Variants in RNF111 observed in about 807,000 individuals in gnomAD.
The protein encoded by RNF111 is E3 ubiquitin-protein ligase Arkadia.
A neutral mutation model predicts 95.1 loss-of-function variants in RNF111; 17 were observed. The observed-to-expected ratio is 0.18, with a 90% CI of 0.12 to 0.27. The LOEUF (loss-of-function observed/expected upper bound fraction) is 0.27, where lower values mean the gene tolerates loss of function less well. RNF111 is among the 10% of genes least tolerant of loss of function. The probability of loss-of-function intolerance (pLI) is 1.00; values close to 1 mark genes in which losing one functional copy is unlikely to be tolerated. For missense variants in RNF111, 1,189 were observed against 1,210.4 expected, an observed-to-expected ratio of 0.98 and a Z score of 0.26; for synonymous variants, 440 against 414.8, an observed-to-expected ratio of 1.06 and a Z score of -0.74.
chr15:59,048,241 T>G (rs562720849), intron 2 of RNF111, among the ~76,000 whole-genome samples: 1 of 152,238 alleles, frequency 6.6e-6, no homozygotes, highest in South Asian at 2.1e-4. Context: ...TAAAGTATGT[T>G]ATATCCATAT....
chr15:59,087,105 A>G (rs1249644353), intron 10 of RNF111, among the ~76,000 whole-genome samples: 2 of 152,216 alleles, frequency 1.3e-5, no homozygotes, highest in East Asian at 1.9e-4. Context: ...TGAATGTCCA[A>G]TAGGAAGTTA....
intron 1 of RNF111, among the ~76,000 whole-genome samples, chr15:59,025,278 C>G (rs533391314): frequency 1.3e-5 from 2 of 152,286 alleles, no homozygotes; most frequent in East Asian, 3.9e-4. Flanking sequence ...TCAAGGGTCC[C>G]ACTCTTCTTT....
chr15:59,009,682 C>T (rs1434915444), intron 1 of RNF111, among the ~76,000 whole-genome samples: 1 of 152,030 alleles, frequency 6.6e-6, no homozygotes, highest in Non-Finnish European at 1.5e-5. Flanking sequence ...TGGCCGGGCA[C>T]AGTGGCTCAT....
intron 6 of RNF111, among the ~76,000 whole-genome samples, chr15:59,070,108 T>G (rs1223690760): frequency 7.5e-5 from 11 of 146,110 alleles, no homozygotes; most frequent in African/African-American, 2.8e-4. Flanking sequence ...CTCCTGGGCT[T>G]AAGTAATCCT....
chr15:58,988,728 G>T (rs2038679633), intron 1 of RNF111, among the ~76,000 whole-genome samples: 1 of 152,118 alleles, frequency 6.6e-6, no homozygotes, highest in Non-Finnish European at 1.5e-5. Flanking sequence ...CCTAAGTTTT[G>T]ATTATTCAAA....
intron 1 of RNF111, among the ~76,000 whole-genome samples, chr15:59,016,048 G>A (rs1168882710): frequency 6.6e-6 from 1 of 151,646 alleles, no homozygotes; most frequent in East Asian, 1.9e-4. Context: ...ACAGGGTTTT[G>A]CCATGTTTTG....
chr15:59,021,236 C>T (rs1030242561), intron 1 of RNF111, among the ~76,000 whole-genome samples: 4 of 152,072 alleles, frequency 2.6e-5, no homozygotes, highest in Non-Finnish European at 4.4e-5. Context: ...CTGCAAACTC[C>T]GCCTCGTGAG....
chr15:59,072,896 A>G (rs1596276718), intron 6 of RNF111, among the ~76,000 whole-genome samples: 1 of 151,814 alleles, frequency 6.6e-6, no homozygotes, highest in South Asian at 2.1e-4. Context: ...AAAAAAAACA[A>G]AACACTTCCA....
At chr15:59,091,388 A>C (rs1260564839) in intron 12 of RNF111, among the ~76,000 whole-genome samples, 1 of 152,198 alleles carries the variant, frequency 6.6e-6, no homozygotes, top group African/African-American at 2.4e-5. Context: ...ATATTCTTCT[A>C]GATATTTTTT....
At chr15:59,094,016 G>A (rs981281879) in intron 13 of RNF111, among the ~76,000 whole-genome samples, 25 of 152,150 alleles carry the variant, frequency 1.6e-4, no homozygotes, top group Admixed American at 1.4e-3. Context: ...AAATGGACAC[G>A]AGTCAGTAAC....
chr15:59,032,874 T>C (rs2040984155), intron 2 of RNF111, among the ~76,000 whole-genome samples: 1 of 152,220 alleles, frequency 6.6e-6, no homozygotes, highest in Admixed American at 6.5e-5. Flanking sequence ...TGTGTGCTCT[T>C]GCTCATGCGT....
intron 1 of RNF111, among the ~76,000 whole-genome samples, chr15:59,002,466 C>A (rs1377304385): frequency 1.3e-5 from 2 of 151,532 alleles, no homozygotes; most frequent in East Asian, 3.9e-4. Flanking sequence ...ACGGGAAGTA[C>A]GGTTGAGTAA....
intron 6 of RNF111, among the ~76,000 whole-genome samples, chr15:59,069,944 A>G (rs915357475): frequency 6.9e-6 from 1 of 144,420 alleles, no homozygotes; most frequent in Non-Finnish European, 1.5e-5. Context: ...GATAGCCCTC[A>G]CTGCTTGCTT....
chr15:59,092,656 T>G lies in RNF111; in HGVS notation c.2843+16T>G, dbSNP rs372957769. The stretch of plus-strand genomic sequence containing the variant: ...AAGATGTGAGGTAACTAGATATTAA[T>G]TATCTAAAATCCATTGTCAAAACTG... On this transcript the variant is annotated intron_variant, in intron 13 of 13. Coordinates refer to ENST00000348370, the MANE Select transcript of RNF111 (RefSeq NM_017610.8). 1.8e-4 allele frequency: 284 copies of G among 1,590,956 alleles called. 1 individual carries two copies. The highest frequency in any genetic ancestry group is 2.3e-4 in the Non-Finnish European group (273 of 1,166,174).
chr15:59,008,266 G>A (rs1277502695), intron 1 of RNF111, among the ~76,000 whole-genome samples: 6 of 152,192 alleles, frequency 3.9e-5, no homozygotes, highest in East Asian at 1.9e-4. Flanking sequence ...TGCCCAGGCT[G>A]CAGTGCAGTG....
chr15:59,021,402 C>T (rs527979339), intron 1 of RNF111, among the ~76,000 whole-genome samples: 121 of 152,258 alleles, frequency 7.9e-4, no homozygotes, highest in African/African-American at 2.6e-3. Context: ...CCGCCTGTCT[C>T]GGCCTCCCAA....
chr15:59,046,307 C>T (rs1337939821), intron 2 of RNF111, among the ~76,000 whole-genome samples: 2 of 147,950 alleles, frequency 1.4e-5, no homozygotes, highest in East Asian at 1.9e-4. Context: ...GATCCTCCCA[C>T]GTCAGCCTCC....
chr15:59,084,079 A>G (rs1212003933), intron 8 of RNF111, 50 bp from the exon 9 acceptor site: 2 of 1,512,062 alleles, frequency 1.3e-6, no homozygotes, highest in Non-Finnish European at 1.8e-6. Context: ...AAAAGAAATA[A>G]CCAATTATTC....
chr15:59,004,709 C>T (rs1428371614), intron 1 of RNF111, among the ~76,000 whole-genome samples: 18 of 152,142 alleles, frequency 1.2e-4, no homozygotes, highest in Admixed American at 1.2e-3. Context: ...TTGGAAATCC[C>T]TAAAGTTGCC....
Sources: allele counts gnomAD v4.1 joint callset (sites outside exome capture counted in the v4.1 genomes callset), GRCh38; gene constraint gnomAD v4.1.1; transcripts MANE v1.5; gene names NCBI Gene and HGNC (gene_info 2026-07-23, HGNC 2026-07-21).